The following ANO1 variants were observed in gnomAD, a reference collection of about 807,000 sequenced individuals.
ANO1 encodes the protein anoctamin-1.
In ANO1, 59 loss-of-function variants were observed where a neutral mutation model predicts 124.0. The ratio of observed to expected loss-of-function variants is 0.48; its 90% confidence interval spans 0.39 to 0.59. The LOEUF is 0.59. Ranked by LOEUF, ANO1 falls within the 20% of genes least tolerant of loss-of-function variation. The pLI is 0.00. For missense variants in ANO1, 1,059 were observed against 1,328.0 expected (o/e 0.80, Z 3.15); for synonymous variants, 529 against 532.0 (o/e 0.99, Z 0.08).
At chr11:70,102,622 G>A (rs2045321534) in intron 2 of ANO1, among the ~76,000 whole-genome samples, 1 of 152,240 alleles carries the variant, frequency 6.6e-6, no homozygotes, top group East Asian at 1.9e-4. Context: ...ACCATCTTCA[G>A]TCGTCCCCTC....
intron 19 of ANO1, among the ~76,000 whole-genome samples, chr11:70,164,953 G>A (rs2135729545): frequency 6.6e-6 from 1 of 152,244 alleles, no homozygotes; most frequent in East Asian, 1.9e-4. Flanking sequence ...TAGGCGGAGT[G>A]TGTCCGTTTC....
At chr11:70,049,988 G>A (rs998768652) in intron 1 of ANO1, among the ~76,000 whole-genome samples, 1 of 152,176 alleles carries the variant, frequency 6.6e-6, no homozygotes, top group Non-Finnish European at 1.5e-5. Flanking sequence ...CCCAAAGCTG[G>A]GATTACAGGC....
intron 19 of ANO1, chr11:70,165,235 CAGAT>C (rs1473508130): frequency 7.4e-6 from 4 of 542,536 alleles, no homozygotes; most frequent in Non-Finnish European, 1.3e-5. Flanking sequence ...CATCAGTCCT[CAGAT>C]GGGCGCCCCA....
chr11:70,056,386 C>T (rs1857434903), intron 1 of ANO1: 1 of 152,006 alleles, frequency 6.6e-6, no homozygotes, highest in Non-Finnish European at 1.5e-5. Context: ...AGCCATTTGC[C>T]TTATTATTAA....
intron 22 of ANO1, among the ~76,000 whole-genome samples, chr11:70,176,156 C>CTT (rs56702157): frequency 1.6e-5 from 2 of 124,444 alleles, no homozygotes; most frequent in African/African-American, 3.1e-5. Context: ...TATATATACA[C>CTT]TTTTTTTTTT....
chr11:70,010,198 T>TATATAAAA (rs1206858671), intron 1 of ANO1, among the ~76,000 whole-genome samples: 1 of 137,502 alleles, frequency 7.3e-6, no homozygotes, highest in African/African-American at 2.7e-5. Flanking sequence ...TATATATATA[T>TATATAAAA]CACATTTTCT....
intron 1 of ANO1, among the ~76,000 whole-genome samples, chr11:70,022,605 CAAA>C (rs56905685): frequency 7.0e-6 from 1 of 142,740 alleles, no homozygotes. Context: ...GACTCCATCT[CAAA>C]AAAAAAAAAG....
chr11:70,113,944 C>T (rs2045883484), intron 7 of ANO1, among the ~76,000 whole-genome samples: 1 of 152,180 alleles, frequency 6.6e-6, no homozygotes. Context: ...GTCCCCACCT[C>T]ATCCCGTCAT....
intron 1 of ANO1, among the ~76,000 whole-genome samples, chr11:69,999,970 C>A (rs894343298): frequency 6.6e-6 from 1 of 152,256 alleles, no homozygotes; most frequent in Non-Finnish European, 1.5e-5. Context: ...ATTCAGAGCA[C>A]GGCCCATACT....
At chr11:70,120,907 G>A (rs2046237083) in intron 8 of ANO1, among the ~76,000 whole-genome samples, 1 of 152,092 alleles carries the variant, frequency 6.6e-6, no homozygotes, top group Non-Finnish European at 1.5e-5. Context: ...ATGGCTGGAC[G>A]CCCCCCTGCC....
chr11:70,181,581 G>A (rs932584519), intron 23 of ANO1, among the ~76,000 whole-genome samples: 14 of 152,380 alleles, frequency 9.2e-5, no homozygotes, highest in African/African-American at 2.4e-4. Context: ...AAGCGGCGCT[G>A]TGAGCAGCTG....
At chr11:70,107,839 A>T (rs928375156) in intron 5 of ANO1, among the ~76,000 whole-genome samples, 5 of 152,146 alleles carry the variant, frequency 3.3e-5, no homozygotes, top group African/African-American at 1.2e-4. Flanking sequence ...CCAGGAACCC[A>T]GAGCCCGATG....
At chr11:70,105,928 G>A (rs934989501) in intron 5 of ANO1, 140 bp downstream of exon 5, 5 of 956,270 alleles carry the variant, frequency 5.2e-6, no homozygotes, top group Non-Finnish European at 7.9e-6. Context: ...AATAATGAAA[G>A]GGAGAGGGCA....
At chr11:70,085,037 C>A (rs920796543) in intron 1 of ANO1, among the ~76,000 whole-genome samples, 10 of 152,164 alleles carry the variant, frequency 6.6e-5, no homozygotes, top group Non-Finnish European at 1.3e-4. Flanking sequence ...TTAGTCGCGG[C>A]TCCTACTAAG....
chr11:70,125,975 G>A, intron 9 of ANO1, 86 bp from the exon 10 acceptor site: 2 of 1,483,248 alleles, frequency 1.3e-6, no homozygotes, highest in Non-Finnish European at 1.8e-6. Context: ...GGTTTGAGTT[G>A]CTCTTGCTGG....
At chr11:69,993,217 T>G (rs1554997823) in intron 1 of ANO1, among the ~76,000 whole-genome samples, 1 of 152,206 alleles carries the variant, frequency 6.6e-6, no homozygotes, top group Non-Finnish European at 1.5e-5. Flanking sequence ...AACACTACCC[T>G]TGATACCCAA....
At chr11:70,140,140 G>T (rs1322909894) in intron 11 of ANO1, among the ~76,000 whole-genome samples, 2 of 152,208 alleles carry the variant, frequency 1.3e-5, no homozygotes. Context: ...CCAGAAAGGG[G>T]TCTTGAGCCA....
At position 70,161,191 on chromosome 11, in the gene ANO1, GTCA is replaced by G; in HGVS notation, c.1615_1617del (p.Ile539del). On this transcript the variant is annotated inframe_deletion, in exon 17 of 26. Transcript: ENST00000355303. ...AGTGACGTTTGCCATCGTCCTCGGC[GTCA>G]TCATCTACAGAATCTCCATGGCCGC... The G allele has an allele frequency of 6.2e-7, 1 of 1,613,794 alleles. No homozygotes were observed. The highest frequency in any genetic ancestry group is 8.5e-7 in the Non-Finnish European group (1 of 1,179,818).
At chr11:69,982,057 G>A (rs1031791538), upstream of ANO1, among the ~76,000 whole-genome samples, 4 of 152,180 alleles carry the variant, frequency 2.6e-5, no homozygotes, top group Non-Finnish European at 4.4e-5. Context: ...GACTGCTAGC[G>A]GGTTCGAGCT....
Sources: gnomAD v4.1 joint callset for allele counts (sites outside exome capture counted in the v4.1 genomes callset) on GRCh38, gnomAD v4.1.1 for gene constraint, MANE v1.5 for transcripts, NCBI Gene and HGNC (gene_info 2026-07-23, HGNC 2026-07-21) for gene names.